OCLN: variants seen among roughly 807,000 people sequenced by gnomAD.
OCLN encodes phosphatase 1, regulatory subunit 115.
In OCLN, 21 loss-of-function variants were observed where a neutral mutation model predicts 47.9. The observed-to-expected ratio is 0.44, with a 90% CI of 0.31 to 0.63. The LOEUF (loss-of-function observed/expected upper bound fraction) is 0.63. Ranked by LOEUF, OCLN falls within the 30% of genes least tolerant of loss-of-function variation. OCLN has a pLI of 0.08. For missense variants in OCLN, 360 were observed against 571.0 expected (o/e 0.63, Z 3.77); for synonymous variants, 117 against 198.4 (o/e 0.59, Z 3.45).
intron 4 of OCLN, among the ~76,000 whole-genome samples, chr5:69,514,367 A>G (rs999173481): frequency 2.2e-4 from 33 of 152,168 alleles, no homozygotes; most frequent in Non-Finnish European, 4.0e-4. Context: ...ATCATGCAGA[A>G]AGAACTTGGC....
chr5:69,527,121 A>G (rs370626118), intron 4 of OCLN, among the ~76,000 whole-genome samples: 2 of 152,120 alleles, frequency 1.3e-5, no homozygotes, highest in African/African-American at 4.8e-5. Flanking sequence ...TTCTAAAAAT[A>G]TAAAAATTAG....
At position 69,532,999 on chromosome 5, in the gene OCLN, A is replaced by ATGTGTGTGTGTG. The variant is rs373564373; in HGVS notation, c.892-1681_892-1670dup. Among the ~76,000 whole-genome samples the ATGTGTGTGTGTG allele has an allele frequency of 3.9e-3, 537 of 137,614 alleles. 2 individuals are homozygous for ATGTGTGTGTGTG. Among genetic ancestry groups the ATGTGTGTGTGTG allele is most frequent in the African/African-American group, 0.014 (507 of 36,744 alleles). 90.3% of individuals were successfully genotyped at this position (137,614 alleles called of 152,430 possible). On this transcript the variant is annotated intron_variant, in intron 4 of 8. Transcript: ENST00000396442. ...AATATATATATATATGTATGCATGT[A>ATGTGTGTGTGTG]TGTGTGTGTGTGTGTGTGTGTGTGT...
At chr5:69,523,694 C>T (rs957484933) in intron 4 of OCLN, among the ~76,000 whole-genome samples, 6 of 152,004 alleles carry the variant, frequency 3.9e-5, no homozygotes, top group Admixed American at 3.9e-4. Flanking sequence ...TGTCACCACA[C>T]CCAGCTAATT....
intron 7 of OCLN, among the ~76,000 whole-genome samples, chr5:69,550,730 T>G: frequency 1.4e-5 from 1 of 71,544 alleles, no homozygotes; most frequent in Middle Eastern, 4.5e-3. Context: ...ATTTATGTAT[T>G]TCTTTTATGG....
At chr5:69,536,798 G>T (rs577113039) in intron 5 of OCLN, among the ~76,000 whole-genome samples, 271 of 151,666 alleles carry the variant, frequency 1.8e-3, no homozygotes, top group African/African-American at 6.3e-3. Flanking sequence ...GAAACCCCGT[G>T]TCTACTAAAA....
intron 1 of OCLN, among the ~76,000 whole-genome samples, chr5:69,497,238 AT>A (rs35549704): frequency 0.87 from 130,743 of 150,700 alleles, 56,806 homozygotes; most frequent in South Asian, 0.9. Flanking sequence ...GGTTTTTGGA[AT>A]TTTTTTTTTT....
At position 69,554,637 on chromosome 5, in the gene OCLN, CTGT is replaced by C. The variant is rs1482031851; in HGVS notation, c.*974_*976del. 6.6e-6 allele frequency: 1 copy of C among 151,922 alleles called. No individual in the cohort carries two copies. The highest frequency in any genetic ancestry group is 2.4e-5 in the African/African-American group (1 of 41,346). The allele number at this position is 151,922 out of a possible 1,614,324, so 9.4% of individuals were successfully genotyped here. ...GGAAAACCACACTCAGGAGTTGTATCTGTTGTTGTTTATACTCCTTTGGATGCT... is the reference window on the plus strand; with the variant it reads ...GGAAAACCACACTCAGGAGTTGTATCTGTTGTTTATACTCCTTTGGATGCT... On this transcript the variant is annotated 3_prime_UTR_variant, in exon 9 of 9. Coordinates refer to ENST00000396442, the MANE Select transcript of OCLN (RefSeq NM_001205254.2).
intron 3 of OCLN, among the ~76,000 whole-genome samples, chr5:69,511,159 A>G (rs1174327687): frequency 3.3e-5 from 5 of 149,976 alleles, no homozygotes. Context: ...ACTGTGAGCT[A>G]CGCCTCCTGG....
chr5:69,533,307 G>A (rs1580585038), intron 4 of OCLN, among the ~76,000 whole-genome samples: 1 of 152,134 alleles, frequency 6.6e-6, no homozygotes, highest in Admixed American at 6.5e-5. Context: ...CAGCTGCCTG[G>A]GACATGCTTC....
At chr5:69,513,286 G>T (rs578000686) in intron 3 of OCLN, among the ~76,000 whole-genome samples, 2 of 152,262 alleles carry the variant, frequency 1.3e-5, no homozygotes, top group South Asian at 4.1e-4. Context: ...ACTGTTAAGA[G>T]TAGGAAGTTT....
In OCLN at chr5:69,555,236, A is replaced by AGTGTGTGTGT. The variant is rs373178468; in HGVS notation, c.*1580_*1589dup. On this transcript the variant is annotated 3_prime_UTR_variant, in exon 9 of 9. Coordinates refer to ENST00000396442, the MANE Select transcript of OCLN (RefSeq NM_001205254.2). ...GGCGTGAGCCACCATGCCTGGCCTAAGTGTGTGTGTGTGTGTGTGTGTGTA... is the reference window on the plus strand; with the variant it reads ...GGCGTGAGCCACCATGCCTGGCCTAAGTGTGTGTGTGTGTGTGTGTGTGTGTGTGTGTGTA... 2 of 100,526 alleles carry AGTGTGTGTGT rather than the reference A, an allele frequency of 2.0e-5. No homozygotes were observed. Among genetic ancestry groups the AGTGTGTGTGT allele is most frequent in the African/African-American group, 7.6e-5 (2 of 26,376 alleles). The allele number at this position is 100,526 out of a possible 1,614,324, so 6.2% of individuals were successfully genotyped here. A position where few individuals can be genotyped will look rare whatever the true frequency, so the allele number is the denominator to read the frequency against.
At chr5:69,523,332 C>T (rs1295398709) in intron 4 of OCLN, among the ~76,000 whole-genome samples, 1 of 151,954 alleles carries the variant, frequency 6.6e-6, no homozygotes, top group African/African-American at 2.4e-5. Flanking sequence ...GGCTATTAAG[C>T]CATTTTCTAA....
chr5:69,533,460 C>T (rs1210739300), intron 4 of OCLN, among the ~76,000 whole-genome samples: 3 of 152,040 alleles, frequency 2.0e-5, no homozygotes, highest in African/African-American at 2.4e-5. Context: ...GTTACATCGT[C>T]GAGCTATAGC....
rs537070697 is a variant in OCLN at position 69,499,865 on chromosome 5, G to A, written c.-68-4312G>A. On this transcript the variant is annotated intron_variant, in intron 1 of 8. Coordinates refer to ENST00000396442, the MANE Select transcript of OCLN (RefSeq NM_001205254.2). ...CTCCCAAAGTGCTGGGATCACAGGC[G>A]TGAACCACTGCGCCCAGCTCTTTAA... Among the ~76,000 whole-genome samples, 5 of 152,294 alleles carry A rather than the reference G, an allele frequency of 3.3e-5. No homozygotes were observed. In the South Asian group the frequency reaches 6.2e-4, roughly 19 times the overall value.
In OCLN at chr5:69,554,310, A is replaced by G. The variant is rs2112101001; in HGVS notation, c.*639A>G. 6.6e-6 allele frequency: 1 copy of G among 151,250 alleles called. No homozygotes were observed. The highest frequency in any genetic ancestry group is 2.1e-4 in the South Asian group (1 of 4,782). 9.4% of individuals were successfully genotyped at this position (151,250 alleles called of 1,614,324 possible). A position where few individuals can be genotyped will look rare whatever the true frequency, so the allele number is the denominator to read the frequency against. Reference sequence around the variant, plus strand: ...AATAAAGATCATGTAAAAGTAACAAATGTGTGAAATTTAAAGATTGTAAAT... The same window carrying G: ...AATAAAGATCATGTAAAAGTAACAAGTGTGTGAAATTTAAAGATTGTAAAT... On this transcript the variant is annotated 3_prime_UTR_variant, in exon 9 of 9. Transcript: ENST00000396442.
rs576534490 is a variant in OCLN, at chr5:69,493,631, G to C, written c.-69+731G>C. Among the ~76,000 whole-genome samples, 21 of 152,292 alleles carry C rather than the reference G, an allele frequency of 1.4e-4. No individual in the cohort carries two copies. The highest frequency in any genetic ancestry group is 3.8e-4 in the African/African-American group (16 of 41,570). ...CCGTGACCAAAAGGGCTGCCCCCAGGGGGGCGGAACTGCCTCCGGGCGGTG... is the reference window on the plus strand; with the variant it reads ...CCGTGACCAAAAGGGCTGCCCCCAGCGGGGCGGAACTGCCTCCGGGCGGTG... On this transcript the variant is annotated intron_variant, in intron 1 of 8. Coordinates refer to ENST00000396442, the MANE Select transcript of OCLN (RefSeq NM_001205254.2). The surrounding 1 kb of genome is among the most constrained non-coding windows in gnomAD (Gnocchi z 5.3).
intron 6 of OCLN, among the ~76,000 whole-genome samples, chr5:69,547,150 A>G (rs1392011371): frequency 1.3e-5 from 2 of 151,540 alleles, no homozygotes; most frequent in Non-Finnish European, 3.0e-5. Context: ...CTTCGGAAAA[A>G]CAAGAGCAAA....
chr5:69,507,610 AT>A (rs956499389), intron 2 of OCLN, among the ~76,000 whole-genome samples: 117 of 147,548 alleles, frequency 7.9e-4, no homozygotes, highest in African/African-American at 1.4e-3. Context: ...TAAAAAGATA[AT>A]TTTTTTTTTT....
At position 69,508,067 on chromosome 5, in the gene OCLN, C is replaced by T. The variant is rs1016595702; in HGVS notation, c.51-1074C>T. On this transcript the variant is annotated intron_variant, in intron 2 of 8. Transcript: ENST00000396442. ...CATTGTGCATTTTTAAATTTTTTTG[C>T]CCTGTCACCCAGGCTGGAGTGCAGT... Among the ~76,000 whole-genome samples the T allele has an allele frequency of 7.4e-4, 112 of 151,562 alleles. 6 individuals carry two copies. The highest frequency in any genetic ancestry group is 4.4e-5 in the Non-Finnish European group (3 of 67,872).
Sources: allele counts gnomAD v4.1 joint callset (sites outside exome capture counted in the v4.1 genomes callset), GRCh38; gene constraint gnomAD v4.1.1; non-coding constraint Gnocchi (gnomAD v3.1); transcripts MANE v1.5; gene names NCBI Gene and HGNC (gene_info 2026-07-23, HGNC 2026-07-21).